SMG6: variants seen among roughly 807,000 people sequenced by gnomAD.
The protein encoded by SMG6 is SMG6 nonsense mediated mRNA decay factor.
Under a neutral mutation model 142.2 loss-of-function variants are expected in SMG6, and 66 were observed. The ratio of observed to expected loss-of-function variants is 0.46; its 90% CI spans 0.38 to 0.57. SMG6 has a LOEUF of 0.57. SMG6 is among the 20% of genes least tolerant of loss of function. The pLI is 0.00. For missense variants in SMG6, 1,793 were observed against 1,832.0 expected, an observed-to-expected ratio of 0.98 and a Z score of 0.39; for synonymous variants, 779 against 702.4, an observed-to-expected ratio of 1.11 and a Z score of -1.72.
intron 13 of SMG6, among the ~76,000 whole-genome samples, chr17:2,129,561 A>C (rs1475460666): frequency 6.6e-6 from 1 of 152,106 alleles, no homozygotes; most frequent in African/African-American, 2.4e-5. Context: ...CGCGAGGCTG[A>C]GACAGGCAGA....
chr17:2,069,364 G>A (rs1331912077), intron 15 of SMG6, among the ~76,000 whole-genome samples: 3 of 151,764 alleles, frequency 2.0e-5, no homozygotes, highest in African/African-American at 4.8e-5. Flanking sequence ...TTACTTCACT[G>A]TGTAGCTAAA....
At chr17:2,281,768 C>T (rs2074791791) in intron 8 of SMG6, among the ~76,000 whole-genome samples, 1 of 152,194 alleles carries the variant, frequency 6.6e-6, no homozygotes. Flanking sequence ...CTTACACCAC[C>T]CACTGGGTGA....
Position 2,303,405 on chromosome 17 carries a change from G to A in SMG6, c.88+228C>T, listed in dbSNP as rs2075331968. On this transcript the variant is annotated intron_variant, in intron 1 of 18. Coordinates refer to ENST00000263073, the MANE Select transcript of SMG6 (RefSeq NM_017575.5). ...CGCGGCGAGAAAGAGGGTGGAGGCAGGAATTCGGGCCAGGCTCTCCCGGAG... is the reference window on the plus strand; with the variant it reads ...CGCGGCGAGAAAGAGGGTGGAGGCAAGAATTCGGGCCAGGCTCTCCCGGAG... 6.4e-6 allele frequency: 8 copies of A among 1,249,524 alleles called. No individual in the cohort carries two copies. The Middle Eastern group carries it at 9.2e-4, about 144-fold the overall frequency. The allele number at this position is 1,249,524 out of a possible 1,614,324, so 77.4% of individuals were successfully genotyped here. A position where few individuals can be genotyped will look rare whatever the true frequency, so the allele number is the denominator to read the frequency against.
chr17:2,084,648 C>T (rs994319870), intron 14 of SMG6, among the ~76,000 whole-genome samples: 5 of 152,220 alleles, frequency 3.3e-5, no homozygotes, highest in South Asian at 2.1e-4. Flanking sequence ...CCTGCTCTAC[C>T]GGGCGCTTGA....
Position 2,244,613 on chromosome 17 carries a change from T to G in SMG6, c.2723+45A>C, listed in dbSNP as rs1277651377. On this transcript the variant is annotated intron_variant, in intron 9 of 18. Transcript: ENST00000263073. ...TTGCTAACAATATTAAATTCCAAAATGACTTGTAATGTAGGAAAATAAAAT... is the reference window on the plus strand; with the variant it reads ...TTGCTAACAATATTAAATTCCAAAAGGACTTGTAATGTAGGAAAATAAAAT... 4 of 1,489,596 alleles carry G rather than the reference T, an allele frequency of 2.7e-6. No individual in the cohort carries two copies. The Admixed American group carries it at 6.7e-5, about 25-fold the overall frequency. 92.3% of individuals were successfully genotyped at this position (1,489,596 alleles called of 1,614,324 possible).
In SMG6 at chr17:2,282,828, T is replaced by C; in HGVS notation, c.2480A>G (p.Glu827Gly). 1 of 1,614,120 alleles carries C rather than the reference T, an allele frequency of 6.2e-7. No homozygotes were observed. Among genetic ancestry groups the C allele is most frequent in the Non-Finnish European group, 8.5e-7 (1 of 1,180,022 alleles). Residue 827 changes from glutamate to glycine, a missense_variant, in exon 8 of 19, where the codon GAA becomes GGA. Around this residue, in one of 3 missense-constraint regions of SMG6, gnomAD observed 1,597 missense variants for 1,584.6 expected, o/e 1.01. Coordinates refer to ENST00000263073, the MANE Select transcript of SMG6 (RefSeq NM_017575.5). ...CCACTGGTCAGGGCTCAGGTCAAAT[T>C]CCTCATGTTGCTTCTTTTCCATCTG... is the stretch of plus-strand genomic sequence containing the variant. ...AEQMEKKQHE[E>G]FDLSPDQWRK...
intron 6 of SMG6, among the ~76,000 whole-genome samples, chr17:2,289,288 A>G (rs1170767502): frequency 6.6e-6 from 1 of 151,842 alleles, no homozygotes; most frequent in African/African-American, 2.4e-5. Flanking sequence ...GGGAGCAGTG[A>G]CTCATGCCTG....
intron 13 of SMG6, among the ~76,000 whole-genome samples, chr17:2,159,149 A>C (rs2071098303): frequency 6.6e-6 from 1 of 152,084 alleles, no homozygotes; most frequent in Non-Finnish European, 1.5e-5. Context: ...GGCCAGGCAC[A>C]GTGGCTCACG....
At chr17:2,279,564 T>C (rs2074737291) in intron 8 of SMG6, among the ~76,000 whole-genome samples, 1 of 152,230 alleles carries the variant, frequency 6.6e-6, no homozygotes, top group Non-Finnish European at 1.5e-5. Context: ...TATGAACTTC[T>C]TTCCATAGTA....
intron 8 of SMG6, among the ~76,000 whole-genome samples, chr17:2,274,151 AC>A (rs1251835717): frequency 2.0e-5 from 3 of 152,260 alleles, no homozygotes; most frequent in African/African-American, 7.2e-5. Context: ...CTTTGGTGGT[AC>A]AACAGTAAAG....
intron 1 of SMG6, among the ~76,000 whole-genome samples, chr17:2,301,478 G>C (rs2075275108): frequency 6.6e-6 from 1 of 152,168 alleles, no homozygotes; most frequent in Non-Finnish European, 1.5e-5. Flanking sequence ...GATGCTGATG[G>C]AAAGATTGTG....
At chr17:2,102,484 G>A (rs1193118429) in intron 13 of SMG6, among the ~76,000 whole-genome samples, 1 of 147,964 alleles carries the variant, frequency 6.8e-6, no homozygotes, top group Non-Finnish European at 1.5e-5. Flanking sequence ...AGCCTCCCAA[G>A]TAGCTGGGAC....
rs10445300 is a variant in SMG6, at chr17:2,211,293, C to A, written c.2870-22778G>T. On this transcript the variant is annotated intron_variant, in intron 10 of 18. Coordinates refer to ENST00000263073, the MANE Select transcript of SMG6 (RefSeq NM_017575.5). Reference sequence around the variant, plus strand: ...TTTTTTGGGAGGTAAACATTTTTAACAATAGCAACATCATTACTGACTTGA... The same window carrying A: ...TTTTTTGGGAGGTAAACATTTTTAAAAATAGCAACATCATTACTGACTTGA... Among the ~76,000 whole-genome samples, 110 of 151,882 alleles carry A rather than the reference C, an allele frequency of 7.2e-4. No individual in the cohort carries two copies. The Middle Eastern group carries it at 0.01, about 14-fold the overall frequency.
At position 2,068,984 on chromosome 17, in the gene SMG6, G is replaced by A; in HGVS notation, c.3682-53C>T. The A allele has an allele frequency of 1.3e-6, 2 of 1,587,516 alleles. No homozygotes were observed. Among genetic ancestry groups the A allele is most frequent in the Non-Finnish European group, 8.6e-7 (1 of 1,161,158 alleles). On this transcript the variant is annotated intron_variant, in intron 15 of 18. Transcript: ENST00000263073. The surrounding 1 kb of genome is among the most constrained non-coding windows in gnomAD (Gnocchi z 6.7). ...AGACAGCGAGCAGGCAAGCAGGTGGGTGAGCCAGGGCCCTGACACTACGGT... is the reference window on the plus strand; with the variant it reads ...AGACAGCGAGCAGGCAAGCAGGTGGATGAGCCAGGGCCCTGACACTACGGT...
chr17:2,189,427 G>T (rs2072092417), intron 10 of SMG6, among the ~76,000 whole-genome samples: 1 of 152,146 alleles, frequency 6.6e-6, no homozygotes, highest in Non-Finnish European at 1.5e-5. Flanking sequence ...GAAGGCAGCA[G>T]TCCACCACAC....
intron 6 of SMG6, among the ~76,000 whole-genome samples, chr17:2,287,741 A>G (rs2074939320): frequency 6.6e-6 from 1 of 152,246 alleles, no homozygotes; most frequent in South Asian, 2.1e-4. Flanking sequence ...ATTCTGACAC[A>G]TGCTACAACA....
chr17:2,302,921 C>T, intron 1 of SMG6: 2 of 977,164 alleles, frequency 2.0e-6, no homozygotes, highest in Non-Finnish European at 2.4e-6. Context: ...ACAGACTGGC[C>T]GCAAACCTAG....
chr17:2,203,520 AG>A (rs1335092926), intron 10 of SMG6, among the ~76,000 whole-genome samples: 1 of 152,248 alleles, frequency 6.6e-6, no homozygotes, highest in Non-Finnish European at 1.5e-5. Flanking sequence ...AAGGAAGAGT[AG>A]AAAAGCATGG....
intron 8 of SMG6, among the ~76,000 whole-genome samples, chr17:2,263,647 G>C (rs748575811): frequency 6.6e-6 from 1 of 152,090 alleles, no homozygotes; most frequent in African/African-American, 2.4e-5. Flanking sequence ...GGTCTAGAGA[G>C]TCTATCCACT....
Sources: allele counts gnomAD v4.1 joint callset (sites outside exome capture counted in the v4.1 genomes callset), GRCh38; gene constraint gnomAD v4.1.1; regional missense constraint gnomAD v4.1.1; non-coding constraint Gnocchi (gnomAD v3.1); transcripts MANE v1.5; gene names NCBI Gene and HGNC (gene_info 2026-07-23, HGNC 2026-07-21).